The following SH3TC2 variants were observed in gnomAD, a reference collection of about 807,000 sequenced individuals.
SH3TC2 encodes SH3 domain and tetratricopeptide repeat-containing protein 2.
Under a neutral mutation model 124.5 loss-of-function variants are expected in SH3TC2, and 87 were observed. The ratio of observed to expected loss-of-function variants is 0.70; its 90% CI spans 0.59 to 0.84. SH3TC2 has a LOEUF of 0.84. Ranked by LOEUF, SH3TC2 falls within the 40% of genes least tolerant of loss-of-function variation. The pLI, the probability that SH3TC2 is intolerant of heterozygous loss-of-function variation, is 0.00. For synonymous variants in SH3TC2, 634 were observed against 628.5 expected (o/e 1.01, Z -0.13); for missense variants, 1,536 against 1,566.4 (o/e 0.98, Z 0.33).
intron 12 of SH3TC2, among the ~76,000 whole-genome samples, chr5:149,019,788 C>G (rs1753937494): frequency 6.6e-6 from 1 of 152,106 alleles, no homozygotes; most frequent in Non-Finnish European, 1.5e-5. Context: ...CCTGCTTGTC[C>G]CTAGCTCTGT....
At chr5:149,047,436 T>C (rs1026197411) in intron 3 of SH3TC2, 1 of 240,842 alleles carries the variant, frequency 4.2e-6, no homozygotes. Flanking sequence ...CTTAGTGTCA[T>C]AGAGAATCAT....
intron 2 of SH3TC2, among the ~76,000 whole-genome samples, chr5:149,051,487 T>C (rs1754555947): frequency 6.6e-6 from 1 of 152,254 alleles, no homozygotes; most frequent in Non-Finnish European, 1.5e-5. Context: ...GGTCTCACTC[T>C]GTTACCCAGG....
chr5:149,062,993 C>A lies in SH3TC2; in HGVS notation c.30G>T (p.Glu10Asp), dbSNP rs755666455. Reference sequence around the variant, plus strand: ...CACCTGGGCCCCGGGTCAGACTCCGCTCCCTGGGGATGCAGAAGCAGCCAC... The same window carrying A: ...CACCTGGGCCCCGGGTCAGACTCCGATCCCTGGGGATGCAGAAGCAGCCAC... MGGCFCIPRERSLTRGPGKE... is the reference protein window; with the variant it reads MGGCFCIPRDRSLTRGPGKE... Residue 10 changes from glutamate (E) to aspartate (D), a missense_variant, in exon 1 of 17, where the codon GAG (glutamate) becomes GAT (aspartate). Transcript: ENST00000515425. The A allele has an allele frequency of 6.3e-7, 1 of 1,599,666 alleles. No homozygotes were observed. The highest frequency in any genetic ancestry group is 1.1e-5 in the South Asian group (1 of 88,164).
intron 12 of SH3TC2, among the ~76,000 whole-genome samples, chr5:149,018,478 G>T (rs977120596): frequency 6.6e-6 from 1 of 152,160 alleles, no homozygotes; most frequent in Non-Finnish European, 1.5e-5. Context: ...AAGGTGAAAA[G>T]CACGTCTTAC....
At chr5:149,014,982 T>C (rs1039974647) in intron 12 of SH3TC2, among the ~76,000 whole-genome samples, 2 of 152,202 alleles carry the variant, frequency 1.3e-5, no homozygotes, top group Non-Finnish European at 2.9e-5. Context: ...TGGGCTACTA[T>C]AGTTGTTTTC....
At position 149,012,736 on chromosome 5, in the gene SH3TC2, T is replaced by G. The variant is rs1580891465; in HGVS notation, c.3054-2A>C. 1 of 1,614,066 alleles carries G rather than the reference T, an allele frequency of 6.2e-7. No homozygotes were observed. The highest frequency in any genetic ancestry group is 8.5e-7 in the Non-Finnish European group (1 of 1,180,010). ...CATGTGAGTGACCTCCTGAGGGACC[T>G]GGGGACAGACATGAACTTGTGAGGT... On this transcript the variant is annotated splice_acceptor_variant, in intron 12 of 16. Coordinates refer to ENST00000515425, the MANE Select transcript of SH3TC2 (RefSeq NM_024577.4). LOFTEE classifies it high-confidence loss of function.
Position 149,052,217 on chromosome 5 carries a change from G to A in SH3TC2, c.76C>T (p.Pro26Ser). The A allele has an allele frequency of 6.2e-7, 1 of 1,613,082 alleles. No homozygotes were observed. Among genetic ancestry groups the A allele is most frequent in the East Asian group, 2.2e-5 (1 of 44,840 alleles). ...GCTATACACTCACTCGATACAGTTG[G>A]ATCCTTGGAAGGAGTTTCTTTACCT... ...GPGKETPSKDPTVSSECIASS... is the reference protein window; with the variant it reads ...GPGKETPSKDSTVSSECIASS... Residue 26 changes from proline (P) to serine (S), a missense_variant, in exon 2 of 17, where the codon CCA becomes TCA. By Grantham distance (74) the Pro-to-Ser change is moderately conservative. Around this residue, in one of 3 missense-constraint regions of SH3TC2, gnomAD observed 1,102 missense variants for 1,098.6 expected, o/e 1.00. Transcript: ENST00000515425.
rs781625125 is a variant in SH3TC2 at position 149,004,760 on chromosome 5, C to T, written c.3818G>A (p.Cys1273Tyr). Residue 1273 changes from cysteine (C) to tyrosine (Y), a missense_variant, in exon 17 of 17, where the codon TGC becomes TAC. Cys to Tyr is a radical substitution (Grantham distance 194). Around this residue, in one of 3 missense-constraint regions of SH3TC2, gnomAD observed 426 missense variants for 443.5 expected, o/e 0.96. Transcript: ENST00000515425. ...SPLWHSRPSG[C>Y]SSERARWLSG... ...CAGCCACCGCGCCCTCTCTGAGGAGCACCCGGAGGGCCTGCTGTGCCACAG... is the reference window on the plus strand; with the variant it reads ...CAGCCACCGCGCCCTCTCTGAGGAGTACCCGGAGGGCCTGCTGTGCCACAG... The T allele has an allele frequency of 3.7e-6, 6 of 1,613,934 alleles. No homozygotes were observed. The highest frequency in any genetic ancestry group is 1.3e-5 in the African/African-American group (1 of 74,928).
rs1347320314 is a variant in SH3TC2 at position 148,994,161 on chromosome 5, T to C, written c.*10550A>G. ...CCATAAAATTTATCAAAATTTCAGCTGAGGTTTTATGCAATACTTGCAATA... is the reference window on the plus strand; with the variant it reads ...CCATAAAATTTATCAAAATTTCAGCCGAGGTTTTATGCAATACTTGCAATA... On this transcript the variant is annotated 3_prime_UTR_variant, in exon 17 of 17. Transcript: ENST00000515425. 6.6e-6 allele frequency among the ~76,000 whole-genome samples: 1 copy of C among 152,168 alleles called. No homozygotes were observed. The highest frequency in any genetic ancestry group is 2.4e-5 in the African/African-American group (1 of 41,442).
chr5:149,026,704 G>T lies in SH3TC2; in HGVS notation c.2921C>A (p.Ser974Tyr). ...GGTGATGCATGCCTCAGGGTTTGGG[G>T]ACACAGAGCTGTAGAAATGGCAGAG... ...KSLCHFYSSV[S>Y]PNPEACITYH... Residue 974 changes from serine (S) to tyrosine (Y), a missense_variant, in exon 12 of 17, where the codon TCC becomes TAC. By Grantham distance (144) the Ser-to-Tyr change is moderately radical. Coordinates refer to ENST00000515425, the MANE Select transcript of SH3TC2 (RefSeq NM_024577.4). 1 of 1,614,220 alleles carries T rather than the reference G, an allele frequency of 6.2e-7. No individual in the cohort carries two copies. The highest frequency in any genetic ancestry group is 8.5e-7 in the Non-Finnish European group (1 of 1,180,040).
intron 9 of SH3TC2, among the ~76,000 whole-genome samples, chr5:149,030,058 G>A (rs541460346): frequency 6.4e-4 from 98 of 152,250 alleles, no homozygotes; most frequent in South Asian, 4.1e-3. Flanking sequence ...AGAAAGCCCC[G>A]CAGCTAAAGA....
intron 2 of SH3TC2, among the ~76,000 whole-genome samples, chr5:149,051,455 T>G (rs1399758199): frequency 6.6e-6 from 1 of 152,148 alleles, no homozygotes; most frequent in African/African-American, 2.4e-5. Context: ...ATGTATTCAT[T>G]TATTTATTTA....
In SH3TC2 at chr5:149,002,755, G is replaced by T. The variant is rs1182420405; in HGVS notation, c.*1956C>A. The T allele has an allele frequency of 1.3e-5, 2 of 151,456 alleles. No individual in the cohort carries two copies. Among genetic ancestry groups the T allele is most frequent in the Admixed American group, 1.3e-4 (2 of 15,282 alleles). The allele number at this position is 151,456 out of a possible 1,614,324, so 9.4% of individuals were successfully genotyped here. ...GAGCAAGGGTGAACCACCTGCATCAGGCTTGCTTGAGTTGCTTTCTAAAAA... is the reference window on the plus strand; with the variant it reads ...GAGCAAGGGTGAACCACCTGCATCATGCTTGCTTGAGTTGCTTTCTAAAAA... On this transcript the variant is annotated 3_prime_UTR_variant, in exon 17 of 17. Coordinates refer to ENST00000515425, the MANE Select transcript of SH3TC2 (RefSeq NM_024577.4).
chr5:149,020,342 A>G (rs1753948449), intron 12 of SH3TC2, among the ~76,000 whole-genome samples: 1 of 152,228 alleles, frequency 6.6e-6, no homozygotes, highest in African/African-American at 2.4e-5. Context: ...AGGACAAGAA[A>G]TAACAAGGAA....
intron 1 of SH3TC2, 123 bp from the exon 2 acceptor site, chr5:149,052,363 C>G (rs1254884996): frequency 1.4e-6 from 1 of 731,092 alleles, no homozygotes; most frequent in Non-Finnish European, 2.5e-6. Flanking sequence ...TGGAAGAATT[C>G]TAATTGTTAT....
At chr5:149,053,575 C>T (rs896237591) in intron 1 of SH3TC2, among the ~76,000 whole-genome samples, 5 of 152,148 alleles carry the variant, frequency 3.3e-5, no homozygotes, top group Non-Finnish European at 2.9e-5. Context: ...TCAGTTCTGC[C>T]CCGAGGAACC....
chr5:149,050,156 C>G (rs376427199), intron 2 of SH3TC2, among the ~76,000 whole-genome samples: 1 of 152,180 alleles, frequency 6.6e-6, no homozygotes. Context: ...GCAGACTGCT[C>G]TTGAGATCTC....
intron 8 of SH3TC2, among the ~76,000 whole-genome samples, chr5:149,034,980 A>G (rs996058896): frequency 2.0e-5 from 3 of 152,212 alleles, no homozygotes; most frequent in African/African-American, 4.8e-5. Context: ...GCCAAGACTC[A>G]GGACTGAGAG....
chr5:149,021,884 C>CAAGAAATTGAATAGGAAGGAATA (rs1355286432), intron 12 of SH3TC2, among the ~76,000 whole-genome samples: 2 of 32,866 alleles, frequency 6.1e-5, no homozygotes, highest in African/African-American at 1.4e-4. Flanking sequence ...CAAACTCTTT[C>CAAGAAATTGAATAGGAAGGAATA]TTTTTTTTTT....
Sources: allele counts gnomAD v4.1 joint callset (sites outside exome capture counted in the v4.1 genomes callset), GRCh38; gene constraint gnomAD v4.1.1; regional missense constraint gnomAD v4.1.1; transcripts MANE v1.5; gene names NCBI Gene and HGNC (gene_info 2026-07-23, HGNC 2026-07-21).